Variants in ZNF33B observed in about 807,000 individuals in gnomAD.
The protein encoded by ZNF33B is zinc finger protein 11b (KOX 2).
A neutral mutation model predicts 45.8 loss-of-function variants in ZNF33B; 29 were observed. The ratio of observed to expected loss-of-function variants is 0.63; its 90% confidence interval spans 0.47 to 0.86. The LOEUF (loss-of-function observed/expected upper bound fraction) is 0.86. Ranked by LOEUF, ZNF33B falls within the 40% of genes least tolerant of loss-of-function variation. The pLI is 0.00. For synonymous variants in ZNF33B, 305 were observed against 307.8 expected (o/e 0.99, Z 0.10); for missense variants, 831 against 909.9 (o/e 0.91, Z 1.12).
At chr10:42,612,388 C>G (rs2132098831) in intron 4 of ZNF33B, among the ~76,000 whole-genome samples, 1 of 152,160 alleles carries the variant, frequency 6.6e-6, no homozygotes, top group East Asian at 1.9e-4. Context: ...AGGCGTGCTT[C>G]ACCACGCCCA....
At chr10:42,595,393 C>G (rs995034215) in intron 4 of ZNF33B, among the ~76,000 whole-genome samples, 1 of 152,096 alleles carries the variant, frequency 6.6e-6, no homozygotes, top group African/African-American at 2.4e-5. Context: ...AAAGGGTAAT[C>G]AAACTCAGGA....
In ZNF33B at chr10:42,634,530, T is replaced by C. The variant is rs144954957; in HGVS notation, c.10-2091A>G. 2.0e-4 allele frequency among the ~76,000 whole-genome samples: 31 copies of C among 152,306 alleles called. No individual in the cohort carries two copies. The East Asian group carries it at 6.0e-3, about 29-fold the overall frequency. On this transcript the variant is annotated intron_variant, in intron 2 of 4. Coordinates refer to ENST00000359467, the MANE Select transcript of ZNF33B (RefSeq NM_006955.3). ...TGCAAGGAACTAGGAAGAGCCAGGA[T>C]TTGCTGAAGAAAAAATGTGTTAAAC...
At chr10:42,581,727 A>T (rs1022808907) in intron 1 of ZNF33B, 1 of 152,236 alleles carries the variant, frequency 6.6e-6, no homozygotes, top group African/African-American at 2.4e-5. Flanking sequence ...TGCCTGGGAC[A>T]TAAGAGCAGG....
At chr10:42,588,574 A>G (rs1445159144), downstream of ZNF33B, among the ~76,000 whole-genome samples, 2 of 152,196 alleles carry the variant, frequency 1.3e-5, no homozygotes, top group African/African-American at 2.4e-5. Flanking sequence ...CACTGGACAG[A>G]TAAGATCTAG....
intron 1 of ZNF33B, among the ~76,000 whole-genome samples, chr10:42,576,552 C>A (rs1178969714): frequency 6.6e-6 from 1 of 152,042 alleles, no homozygotes; most frequent in Non-Finnish European, 1.5e-5. Context: ...CAATCTGTCA[C>A]CCACACCCAC....
At chr10:42,610,884 C>T (rs1247524391) in intron 4 of ZNF33B, among the ~76,000 whole-genome samples, 1 of 152,202 alleles carries the variant, frequency 6.6e-6, no homozygotes, top group African/African-American at 2.4e-5. Flanking sequence ...AGAAGACATA[C>T]ACTTCTCAAT....
intron 4 of ZNF33B, among the ~76,000 whole-genome samples, chr10:42,620,317 A>G (rs575831251): frequency 1.1e-4 from 16 of 152,248 alleles, no homozygotes; most frequent in African/African-American, 1.9e-4. Context: ...GCAATATGGC[A>G]GAAGTGTTTC....
chr10:42,614,336 A>AAACCACC (rs1265642761), intron 4 of ZNF33B: 2 of 154,302 alleles, frequency 1.3e-5, no homozygotes, highest in Non-Finnish European at 2.9e-5. Flanking sequence ...AAAGTCTGGG[A>AAACCACC]AACCACCATA....
chr10:42,603,935 A>G (rs186709255), intron 4 of ZNF33B, among the ~76,000 whole-genome samples: 3 of 152,364 alleles, frequency 2.0e-5, no homozygotes, highest in East Asian at 3.9e-4. Flanking sequence ...GCCTAAATAA[A>G]TAAGAAACAA....
intron 4 of ZNF33B, among the ~76,000 whole-genome samples, chr10:42,623,457 A>G (rs1174634376): frequency 6.6e-6 from 1 of 152,226 alleles, no homozygotes; most frequent in Non-Finnish European, 1.5e-5. Flanking sequence ...CAAAAGGTGT[A>G]CGACCCAAGT....
At position 42,624,083 on chromosome 10, in the gene ZNF33B, T is replaced by C. The variant is rs117115860; in HGVS notation, c.250+7846A>G. On this transcript the variant is annotated intron_variant, in intron 4 of 4. Transcript: ENST00000359467. ...GTGAGGGCCTCTTCCCAGCTTGCAG[T>C]TGGCCACTGCATGTTCACATCGCCT... 2.5e-4 allele frequency among the ~76,000 whole-genome samples: 38 copies of C among 152,356 alleles called. No individual in the cohort carries two copies. The East Asian group carries it at 5.6e-3, about 22-fold the overall frequency.
At chr10:42,581,297 T>TCTC (rs1186688724) in intron 1 of ZNF33B, among the ~76,000 whole-genome samples, 3 of 151,414 alleles carry the variant, frequency 2.0e-5, no homozygotes, top group Admixed American at 1.3e-4. Context: ...TGAAACCTCG[T>TCTC]TACTAAAAAT....
intron 4 of ZNF33B, among the ~76,000 whole-genome samples, chr10:42,617,348 C>G (rs1589053831): frequency 6.6e-6 from 1 of 151,834 alleles, no homozygotes; most frequent in East Asian, 1.9e-4. Flanking sequence ...AAGTGATCCA[C>G]CCACCTTGGC....
downstream of ZNF33B, among the ~76,000 whole-genome samples, chr10:42,588,703 T>C (rs1232578472): frequency 6.6e-6 from 1 of 152,192 alleles, no homozygotes; most frequent in East Asian, 1.9e-4. Context: ...AGTGAGCAGC[T>C]GTACTATCCA....
chr10:42,618,354 T>A (rs188877730), intron 4 of ZNF33B, among the ~76,000 whole-genome samples: 1 of 152,332 alleles, frequency 6.6e-6, no homozygotes, highest in Admixed American at 6.5e-5. Context: ...CAAGAACATC[T>A]GGATTATTCG....
chr10:42,606,632 G>A (rs1407420059), intron 4 of ZNF33B, among the ~76,000 whole-genome samples: 1 of 151,790 alleles, frequency 6.6e-6, no homozygotes, highest in Admixed American at 6.6e-5. Context: ...TTCTTTAAAA[G>A]ACATCAACAC....
intron 4 of ZNF33B, among the ~76,000 whole-genome samples, chr10:42,630,039 C>T (rs12260943): frequency 0.047 from 7,112 of 152,216 alleles, 519 homozygotes; most frequent in African/African-American, 0.16. Context: ...ATTCTAGAAA[C>T]TCACGAGAAA....
chr10:42,618,125 C>T (rs1447872426), intron 4 of ZNF33B, among the ~76,000 whole-genome samples: 1 of 152,150 alleles, frequency 6.6e-6, no homozygotes, highest in African/African-American at 2.4e-5. Flanking sequence ...ATATCATTAC[C>T]AGTTTTGATA....
intron 4 of ZNF33B, among the ~76,000 whole-genome samples, chr10:42,631,403 C>T (rs1839048775): frequency 6.6e-6 from 1 of 152,228 alleles, no homozygotes; most frequent in African/African-American, 2.4e-5. Context: ...TGGAGTTTCA[C>T]CATGTTGGCT....
Sources: gnomAD v4.1 joint callset for allele counts (sites outside exome capture counted in the v4.1 genomes callset) on GRCh38, gnomAD v4.1.1 for gene constraint, MANE v1.5 for transcripts, NCBI Gene and HGNC (gene_info 2026-07-23, HGNC 2026-07-21) for gene names.